Variants in NCAPG observed in about 807,000 individuals in gnomAD.
NCAPG encodes the protein non-SMC condensin I complex subunit G.
Under a neutral mutation model 113.1 loss-of-function variants are expected in NCAPG, and 69 were observed. The observed-to-expected ratio is 0.61, with a 90% CI of 0.50 to 0.75. The LOEUF (loss-of-function observed/expected upper bound fraction) is 0.75, where lower values mean the gene tolerates loss of function less well. Ranked by LOEUF, NCAPG falls within the 30% of genes least tolerant of loss-of-function variation. The pLI is 0.00. For missense variants in NCAPG, 1,058 were observed against 1,177.0 expected, an observed-to-expected ratio of 0.90 and a Z score of 1.48; for synonymous variants, 370 against 415.8, an observed-to-expected ratio of 0.89 and a Z score of 1.34.
At chr4:17,817,173 A>G in intron 5 of NCAPG, 88 bp from the exon 6 acceptor site, 1 of 903,720 alleles carries the variant, frequency 1.1e-6, no homozygotes, top group Non-Finnish European at 1.7e-6. Context: ...TATTGTAAAT[A>G]CTGACTTTGT....
rs1720901596 is a variant in NCAPG at position 17,811,067 on chromosome 4, G to C, written c.-11G>C. 5 of 1,485,214 alleles carry C rather than the reference G, an allele frequency of 3.4e-6. No homozygotes were observed. The highest frequency in any genetic ancestry group is 2.7e-6 in the Non-Finnish European group (3 of 1,111,970). 92.0% of individuals were successfully genotyped at this position (1,485,214 alleles called of 1,614,324 possible). A position where few individuals can be genotyped will look rare whatever the true frequency, so the allele number is the denominator to read the frequency against. ...CGCGGGCAGGACTCGTCCCGGCAGG[G>C]TTCCAGAGCCATGGGAGCGGAAAGG... is the stretch of plus-strand genomic sequence containing the variant. On this transcript the variant is annotated 5_prime_UTR_variant, in exon 1 of 21. Transcript: ENST00000251496. The surrounding 1 kb of genome is among the most constrained non-coding windows in gnomAD (Gnocchi z 5.3).
chr4:17,837,714 T>C lies in NCAPG; in HGVS notation c.2379T>C (p.Ile793=). 6.2e-7 allele frequency: 1 copy of C among 1,614,046 alleles called. No individual in the cohort carries two copies. The highest frequency in any genetic ancestry group is 1.1e-5 in the South Asian group (1 of 91,082). The change falls in exon 16 of 21, where the codon ATT becomes ATC. Residue 793 remains isoleucine, a synonymous_variant. Coordinates refer to ENST00000251496, the MANE Select transcript of NCAPG (RefSeq NM_022346.5). ...CTGCATCTTCTCCTTTAGCTGAAAT[T>C]GATATCACAAATGTTGCTGAGTTAC... is the stretch of plus-strand genomic sequence containing the variant. The part of the protein sequence containing the change: ...NAPASSPLAE[I]DITNVAELLV...
At position 17,840,112 on chromosome 4, in the gene NCAPG, C is replaced by T; in HGVS notation, c.2670C>T (p.Ile890=). 1 of 1,611,510 alleles carries T rather than the reference C, an allele frequency of 6.2e-7. No individual in the cohort carries two copies. Among genetic ancestry groups the T allele is most frequent in the Admixed American group, 1.7e-5 (1 of 59,560 alleles). Residue 890 remains isoleucine (I), a synonymous_variant, in exon 18 of 21, where the codon ATC becomes ATT. Coordinates refer to ENST00000251496, the MANE Select transcript of NCAPG (RefSeq NM_022346.5). The part of the protein sequence containing the change: ...DRTCLRALEK[I]KIQLEKGNKE... Reference sequence around the variant, plus strand: ...CATGTCTGAGAGCTTTGGAGAAAATCAAGATTCAGTTAGAAAAAGGAAATA... The same window carrying T: ...CATGTCTGAGAGCTTTGGAGAAAATTAAGATTCAGTTAGAAAAAGGAAATA...
At chr4:17,815,441 T>A in intron 5 of NCAPG, 83 bp downstream of exon 5, 1 of 962,706 alleles carries the variant, frequency 1.0e-6, no homozygotes, top group South Asian at 1.5e-5. Context: ...GAGTGTCAAA[T>A]CAGGTCAAGT....
chr4:17,817,288 ATCT>A lies in NCAPG; in HGVS notation c.809_811del (p.Leu270del), dbSNP rs750733391. 17 of 1,613,932 alleles carry A rather than the reference ATCT, an allele frequency of 1.1e-5. No homozygotes were observed. The highest frequency in any genetic ancestry group is 1.4e-5 in the Non-Finnish European group (16 of 1,179,944). On this transcript the variant is annotated inframe_deletion, in exon 6 of 21. Transcript: ENST00000251496. ...GCTGTGAAACAAGCTATGCAGAAGCATCTTCTTCAAGGCTGGTTACGGTTCTCT... is the reference window on the plus strand; with the variant it reads ...GCTGTGAAACAAGCTATGCAGAAGCATCTTCAAGGCTGGTTACGGTTCTCT...
At position 17,814,833 on chromosome 4, in the gene NCAPG, A is replaced by T; in HGVS notation, c.545-20A>T. The T allele has an allele frequency of 1.2e-6, 2 of 1,606,766 alleles. No individual in the cohort carries two copies. The highest frequency in any genetic ancestry group is 1.7e-6 in the Non-Finnish European group (2 of 1,174,022). On this transcript the variant is annotated intron_variant, in intron 3 of 20. Coordinates refer to ENST00000251496, the MANE Select transcript of NCAPG (RefSeq NM_022346.5). The stretch of plus-strand genomic sequence containing the variant: ...AATAAATAATTTCATCAGTACTAAA[A>T]TGTATTGCTTTATTTTTAGCATATG...
At chr4:17,813,178 T>G in intron 3 of NCAPG, 33 bp downstream of exon 3, 1 of 1,535,392 alleles carries the variant, frequency 6.5e-7, no homozygotes, top group Non-Finnish European at 8.8e-7. Flanking sequence ...TTTTTCAGAT[T>G]TGTTGATTTT....
chr4:17,823,728 A>T lies in NCAPG; in HGVS notation c.1341A>T (p.Arg447Ser). ...PISLVSFLVE[R>S]LLHIIIDDNK... is the part of the protein sequence containing the mutation. ...CCCTGGTTTCTTTTCTTGTTGAAAG[A>T]CTACTCCACATCATTATAGATGATA... Residue 447 changes from arginine (R) to serine (S), a missense_variant, in exon 9 of 21, where the codon AGA becomes AGT. Physicochemically the swap from Arg to Ser is moderately radical, Grantham distance 110. Transcript: ENST00000251496. The T allele has an allele frequency of 6.3e-7, 1 of 1,598,484 alleles. No individual in the cohort carries two copies. Among genetic ancestry groups the T allele is most frequent in the South Asian group, 1.1e-5 (1 of 90,694 alleles).
chr4:17,812,487 G>T (rs41268407), intron 2 of NCAPG, 63 bp downstream of exon 2: 29,127 of 1,203,414 alleles, frequency 0.024, 449 homozygotes, highest in South Asian at 0.03. Flanking sequence ...TAAAAGAGTC[G>T]TGGGAGTTTG....
intron 16 of NCAPG, 43 bp from the exon 17 acceptor site, chr4:17,839,633 T>C: frequency 2.3e-6 from 3 of 1,314,034 alleles, no homozygotes; most frequent in Non-Finnish European, 2.0e-6. Context: ...ATAATAATCA[T>C]AATCATCTTC....
At chr4:17,816,255 C>T (rs1404433869) in intron 5 of NCAPG, among the ~76,000 whole-genome samples, 1 of 152,074 alleles carries the variant, frequency 6.6e-6, no homozygotes, top group Non-Finnish European at 1.5e-5. Context: ...GTGCGCAGTT[C>T]ACAATAGAGT....
At chr4:17,822,190 CTTTTTTT>C (rs1159844034) in intron 7 of NCAPG, among the ~76,000 whole-genome samples, 18 of 111,750 alleles carry the variant, frequency 1.6e-4, no homozygotes, top group African/African-American at 4.7e-4. Context: ...AAGATTAAAT[CTTTTTTT>C]TTTTTTTTTT....
intron 12 of NCAPG, among the ~76,000 whole-genome samples, chr4:17,830,578 G>A (rs1721828920): frequency 8.2e-6 from 1 of 121,418 alleles, no homozygotes; most frequent in South Asian, 2.8e-4. Flanking sequence ...TTACTTCAAT[G>A]TGGTGGCTAC....
Position 17,815,312 on chromosome 4 carries a change from T to G in NCAPG, c.729T>G (p.Ile243Met). The G allele has an allele frequency of 6.3e-7, 1 of 1,591,030 alleles. No homozygotes were observed. The highest frequency in any genetic ancestry group is 8.5e-7 in the Non-Finnish European group (1 of 1,174,752). ...AGGTTCATATGAGAGCTATGTCCATTGCTCAGAGAGTAATGCTCCTTCAAC... is the reference window on the plus strand; with the variant it reads ...AGGTTCATATGAGAGCTATGTCCATGGCTCAGAGAGTAATGCTCCTTCAAC... The part of the protein sequence containing the change: ...AEKVHMRAMS[I>M]AQRVMLLQQG... Residue 243 changes from isoleucine (I) to methionine (M), a missense_variant, in exon 5 of 21, where the codon ATT becomes ATG. Ile to Met is a conservative substitution (Grantham distance 10, BLOSUM62 1). Transcript: ENST00000251496.
Position 17,840,094 on chromosome 4 carries a change from G to A in NCAPG, c.2652G>A (p.Leu884=), listed in dbSNP as rs556225788. The A allele has an allele frequency of 6.2e-7, 1 of 1,609,268 alleles. No individual in the cohort carries two copies. The highest frequency in any genetic ancestry group is 1.3e-5 in the African/African-American group (1 of 74,600). The change falls in exon 18 of 21, where the codon CTG becomes CTA. Residue 884 remains leucine (L), a synonymous_variant. Transcript: ENST00000251496. The part of the protein sequence containing the change: ...ILEQVKDRTC[L]RALEKIKIQL... The stretch of plus-strand genomic sequence containing the variant: ...AGCAAGTAAAAGATAGGACATGTCT[G>A]AGAGCTTTGGAGAAAATCAAGATTC...
Position 17,843,295 on chromosome 4 carries a change from T to A in NCAPG, c.2925-7T>A, listed in dbSNP as rs766362799. The A allele has an allele frequency of 3.1e-6, 5 of 1,609,006 alleles. No individual in the cohort carries two copies. In the African/African-American group the frequency reaches 6.7e-5, roughly 22 times the overall value. The stretch of plus-strand genomic sequence containing the variant: ...TCTAAATTCGTGTATTTTCAACATC[T>A]ATTTAGTGATCATGAAGTTCCAGAA... On this transcript the variant is annotated splice_region_variant and splice_polypyrimidine_tract_variant and intron_variant, in intron 20 of 20. Coordinates refer to ENST00000251496, the MANE Select transcript of NCAPG (RefSeq NM_022346.5).
rs1198722669 is a variant in NCAPG, at chr4:17,837,168, C to G, written c.2119C>G (p.Leu707Val). Residue 707 changes from leucine (L) to valine (V), a missense_variant, in exon 15 of 21, where the codon CTT becomes GTT. Leu to Val is a conservative substitution (Grantham distance 32). Transcript: ENST00000251496. ...SDFLDSEVSELRTGAAEGLAK... is the reference protein window; with the variant it reads ...SDFLDSEVSEVRTGAAEGLAK... ...ATGTCATCTTTGTTAGGTATCTGAACTTAGGACTGGAGCTGCAGAAGGACT... is the reference window on the plus strand; with the variant it reads ...ATGTCATCTTTGTTAGGTATCTGAAGTTAGGACTGGAGCTGCAGAAGGACT... 6.2e-7 allele frequency: 1 copy of G among 1,613,126 alleles called. No homozygotes were observed. The highest frequency in any genetic ancestry group is 2.2e-5 in the East Asian group (1 of 44,854).
intron 3 of NCAPG, among the ~76,000 whole-genome samples, chr4:17,813,638 T>C (rs1721084344): frequency 1.3e-5 from 2 of 152,318 alleles, no homozygotes; most frequent in South Asian, 4.1e-4. Flanking sequence ...ATATGAATTG[T>C]AGATCTCTTC....
Position 17,810,994 on chromosome 4 carries a change from T to C in NCAPG, c.-84T>C, listed in dbSNP as rs1720889411. On this transcript the variant is annotated 5_prime_UTR_variant, in exon 1 of 21. Coordinates refer to ENST00000251496, the MANE Select transcript of NCAPG (RefSeq NM_022346.5). ...CCCTGGGGCTGTCATAGAAGACTAC[T>C]CGGAGAGCGCTGCCTCTGGGTTGGC... 2 of 771,960 alleles carry C rather than the reference T, an allele frequency of 2.6e-6. No homozygotes were observed. Among genetic ancestry groups the C allele is most frequent in the Non-Finnish European group, 4.0e-6 (2 of 504,478 alleles). 47.8% of individuals were successfully genotyped at this position (771,960 alleles called of 1,614,324 possible).
Sources: gnomAD v4.1 joint callset for allele counts (sites outside exome capture counted in the v4.1 genomes callset) on GRCh38, gnomAD v4.1.1 for gene constraint, Gnocchi (gnomAD v3.1) non-coding constraint, MANE v1.5 for transcripts, NCBI Gene and HGNC (gene_info 2026-07-23, HGNC 2026-07-21) for gene names.